Variants in PLCE1 observed in about 807,000 individuals in gnomAD.
PLCE1 encodes 1-phosphatidylinositol 4,5-bisphosphate phosphodiesterase epsilon-1.
In PLCE1, 119 loss-of-function variants were observed where a neutral mutation model predicts 242.8. The observed-to-expected ratio is 0.49, with a 90% CI of 0.42 to 0.57. PLCE1 has a LOEUF of 0.57. PLCE1 is among the 20% of genes least tolerant of loss of function. PLCE1 has a pLI of 0.00. For missense variants in PLCE1, 2,441 were observed against 2,788.8 expected (o/e 0.88, Z 2.81); for synonymous variants, 945 against 1,017.4 (o/e 0.93, Z 1.35).
chr10:94,016,409 A>C (rs1435160937), intron 1 of PLCE1, among the ~76,000 whole-genome samples: 1 of 152,092 alleles, frequency 6.6e-6, no homozygotes, highest in Non-Finnish European at 1.5e-5. Flanking sequence ...TGTTTCATAC[A>C]TACCTTATAT....
At chr10:94,036,034 C>T (rs2061656877) in intron 2 of PLCE1, among the ~76,000 whole-genome samples, 1 of 152,220 alleles carries the variant, frequency 6.6e-6, no homozygotes, top group Non-Finnish European at 1.5e-5. Flanking sequence ...CAAATACAGT[C>T]TCTGGAGTCA....
intron 4 of PLCE1, among the ~76,000 whole-genome samples, chr10:94,194,058 A>G (rs762666207): frequency 2.0e-5 from 3 of 152,224 alleles, no homozygotes; most frequent in African/African-American, 7.2e-5. Context: ...GTATAATGAT[A>G]TTCAAGTGGG....
intron 4 of PLCE1, among the ~76,000 whole-genome samples, chr10:94,178,990 G>T (rs1345563166): frequency 6.6e-6 from 1 of 152,134 alleles, no homozygotes; most frequent in Non-Finnish European, 1.5e-5. Flanking sequence ...CCTCAAATCT[G>T]AACACTCACA....
At chr10:94,028,187 A>G (rs1054014305) in intron 1 of PLCE1, among the ~76,000 whole-genome samples, 1 of 152,204 alleles carries the variant, frequency 6.6e-6, no homozygotes, top group Non-Finnish European at 1.5e-5. Flanking sequence ...AACATTTATC[A>G]TCTCACAGTT....
At position 94,298,736 on chromosome 10, in the gene PLCE1, A is replaced by G. The variant is rs1424121410; in HGVS notation, c.5458+67A>G. The G allele has an allele frequency of 2.4e-5, 38 of 1,558,444 alleles. No homozygotes were observed. The highest frequency in any genetic ancestry group is 9.5e-5 in the African/African-American group (7 of 73,852). Reference sequence around the variant, plus strand: ...ATTTCAGTAAATGCAGTTTGACAGCATTTTTTCAAAGGGGCAAGATTCCAG... The same window carrying G: ...ATTTCAGTAAATGCAGTTTGACAGCGTTTTTTCAAAGGGGCAAGATTCCAG... On this transcript the variant is annotated intron_variant, in intron 24 of 32. Coordinates refer to ENST00000371380, the MANE Select transcript of PLCE1 (RefSeq NM_016341.4). The surrounding 1 kb of genome is among the most constrained non-coding windows in gnomAD (Gnocchi z 5.2).
In PLCE1 at chr10:94,329,248, A is replaced by C. The variant is rs578150260; in HGVS notation, c.*1305A>C. On this transcript the variant is annotated 3_prime_UTR_variant, in exon 33 of 33. Coordinates refer to ENST00000371380, the MANE Select transcript of PLCE1 (RefSeq NM_016341.4). ...TGCTGTACAAAACCATTAAGTGTAA[A>C]GGATTCTTCATATTCTTAGTATGAA... 2.0e-5 allele frequency: 3 copies of C among 152,350 alleles called. No homozygotes were observed. In the East Asian group the frequency reaches 5.8e-4, roughly 29 times the overall value. 9.4% of individuals were successfully genotyped at this position (152,350 alleles called of 1,614,324 possible).
At position 94,262,515 on chromosome 10, in the gene PLCE1, C is replaced by T. The variant is rs575762810; in HGVS notation, c.3836C>T (p.Ser1279Leu). The T allele has an allele frequency of 6.2e-6, 10 of 1,612,942 alleles. No individual in the cohort carries two copies. Among genetic ancestry groups the T allele is most frequent in the Middle Eastern group, 1.7e-4 (1 of 6,028 alleles). The change falls in exon 14 of 33, where the codon TCG becomes TTG. Residue 1279 changes from serine to leucine, a missense_variant. By Grantham distance (145) the Ser-to-Leu change is moderately radical. Transcript: ENST00000371380. Reference protein sequence around the residue: ...PDLDLLTRNVSDLGLFIKSKQ... With the variant: ...PDLDLLTRNVLDLGLFIKSKQ... ...TCAGATCTGTTGACCAGAAATGTCT[C>T]GGATTTGGGGTTGTTCATTAAGAGT...
intron 2 of PLCE1, chr10:94,082,191 C>T (rs2044672004): frequency 6.6e-6 from 1 of 152,000 alleles, no homozygotes. Context: ...AGCTGAGGCA[C>T]CTTACAAAGA....
chr10:94,293,673 T>C, intron 23 of PLCE1, 34 bp downstream of exon 23: 1 of 1,609,414 alleles, frequency 6.2e-7, no homozygotes, highest in Non-Finnish European at 8.5e-7. Context: ...CTTTGCTTGA[T>C]TCTGCATGCT....
At chr10:94,063,567 T>A (rs1428050286) in intron 2 of PLCE1, among the ~76,000 whole-genome samples, 2 of 152,188 alleles carry the variant, frequency 1.3e-5, no homozygotes, top group Non-Finnish European at 2.9e-5. Flanking sequence ...CTAAGCACAT[T>A]TTCTTGTCCT....
intron 11 of PLCE1, 43 bp downstream of exon 11, chr10:94,255,092 T>C: frequency 6.3e-7 from 1 of 1,598,598 alleles, no homozygotes; most frequent in Non-Finnish European, 8.6e-7. Context: ...CTTCACATTA[T>C]TCCAGTTGTG....
intron 3 of PLCE1, among the ~76,000 whole-genome samples, chr10:94,163,647 C>T (rs1342943731): frequency 3.9e-5 from 6 of 152,002 alleles, no homozygotes; most frequent in South Asian, 2.1e-4. Context: ...GAGCATTTAG[C>T]CCATTTACAT....
chr10:94,012,629 G>A (rs1396719989), intron 1 of PLCE1, among the ~76,000 whole-genome samples: 1 of 152,148 alleles, frequency 6.6e-6, no homozygotes, highest in African/African-American at 2.4e-5. Flanking sequence ...AGCTGCATCA[G>A]TGCTGACAGA....
chr10:94,013,710 C>T (rs2134293806), intron 1 of PLCE1, among the ~76,000 whole-genome samples: 1 of 152,216 alleles, frequency 6.6e-6, no homozygotes, highest in Non-Finnish European at 1.5e-5. Context: ...ATATAATTTC[C>T]AGTGGTGGTG....
At chr10:94,061,699 A>T (rs954939594) in intron 2 of PLCE1, among the ~76,000 whole-genome samples, 3 of 138,424 alleles carry the variant, frequency 2.2e-5, no homozygotes, top group Admixed American at 7.1e-5. Flanking sequence ...AAAAGGAATT[A>T]AAAAAAAAAA....
intron 4 of PLCE1, among the ~76,000 whole-genome samples, chr10:94,213,948 C>G (rs2049428414): frequency 6.6e-6 from 1 of 152,154 alleles, no homozygotes; most frequent in South Asian, 2.1e-4. Context: ...AGTCACCACA[C>G]TCCTTATGAT....
intron 9 of PLCE1, among the ~76,000 whole-genome samples, chr10:94,253,899 A>G (rs755198735): frequency 4.0e-4 from 61 of 152,340 alleles, no homozygotes; most frequent in Middle Eastern, 3.4e-3. Context: ...TTTGATGCTC[A>G]TGTCAAATTT....
chr10:94,309,176 C>G (rs551172391), intron 27 of PLCE1, among the ~76,000 whole-genome samples: 3 of 152,360 alleles, frequency 2.0e-5, no homozygotes, highest in Middle Eastern at 6.8e-3. Flanking sequence ...GGGCAAATGT[C>G]ACAGGCAGAG....
At chr10:94,139,850 T>C (rs1388388020) in intron 3 of PLCE1, among the ~76,000 whole-genome samples, 2 of 152,180 alleles carry the variant, frequency 1.3e-5, no homozygotes, top group East Asian at 3.9e-4. Context: ...TCCTCTGTTC[T>C]TTCCAGGTTC....
Sources: gnomAD v4.1 joint callset for allele counts (sites outside exome capture counted in the v4.1 genomes callset) on GRCh38, gnomAD v4.1.1 for gene constraint, Gnocchi (gnomAD v3.1) non-coding constraint, MANE v1.5 for transcripts, NCBI Gene and HGNC (gene_info 2026-07-23, HGNC 2026-07-21) for gene names.